RBFOX1: variants seen among roughly 807,000 people sequenced by gnomAD.
RBFOX1 encodes RNA binding fox-1 homolog 1.
In RBFOX1, 8 loss-of-function variants were observed where a neutral mutation model predicts 57.7. That is an observed-to-expected ratio of 0.14 (90% CI 0.08 to 0.25). The LOEUF (loss-of-function observed/expected upper bound fraction) is 0.25, where lower values mean the gene tolerates loss of function less well. RBFOX1 is among the 10% of genes least tolerant of loss of function. The pLI, the probability that RBFOX1 is intolerant of heterozygous loss-of-function variation, is 1.00. For synonymous variants in RBFOX1, 326 were observed against 222.4 expected (o/e 1.47, Z -4.15); for missense variants, 611 against 548.5 (o/e 1.11, Z -1.14).
intron 3 of RBFOX1, among the ~76,000 whole-genome samples, chr16:6,679,904 T>C (rs1299769350): frequency 8.2e-5 from 8 of 97,074 alleles, no homozygotes; most frequent in Admixed American, 5.0e-4. Flanking sequence ...TTTTTTTTTT[T>C]TCATACTTTT....
intron 2 of RBFOX1, among the ~76,000 whole-genome samples, chr16:5,592,035 A>G (rs1209302458): frequency 6.6e-6 from 1 of 152,208 alleles, no homozygotes; most frequent in Non-Finnish European, 1.5e-5. Flanking sequence ...CGTAAAAAAT[A>G]ATATATTGCC....
intron 2 of RBFOX1, among the ~76,000 whole-genome samples, chr16:6,567,387 C>A (rs879614529): frequency 1.3e-5 from 2 of 152,122 alleles, no homozygotes; most frequent in African/African-American, 2.4e-5. Context: ...AGCTCAGGTT[C>A]GTTTGGTCTT....
At chr16:7,528,756 A>G (rs1427206886) in intron 5 of RBFOX1, among the ~76,000 whole-genome samples, 1 of 152,184 alleles carries the variant, frequency 6.6e-6, no homozygotes, top group Non-Finnish European at 1.5e-5. Context: ...ATTCATGGTC[A>G]TATAGTCTTT....
intron 3 of RBFOX1, among the ~76,000 whole-genome samples, chr16:6,767,448 C>A (rs1032321505): frequency 6.6e-6 from 1 of 152,142 alleles, no homozygotes; most frequent in African/African-American, 2.4e-5. Context: ...TATAATTATC[C>A]TGAGGTTTTT....
chr16:7,431,529 C>T (rs1006273079), intron 4 of RBFOX1, among the ~76,000 whole-genome samples: 9 of 152,272 alleles, frequency 5.9e-5, no homozygotes, highest in African/African-American at 1.2e-4. Flanking sequence ...CGTGAGCCAC[C>T]GCGCCACTGT....
chr16:7,648,943 C>T (rs1347816432), intron 11 of RBFOX1, among the ~76,000 whole-genome samples: 2 of 152,062 alleles, frequency 1.3e-5, no homozygotes, highest in African/African-American at 2.4e-5. Context: ...CAGTGAAAAA[C>T]GTACAAGGGT....
chr16:5,432,304 G>A (rs371928541), intron 1 of RBFOX1, among the ~76,000 whole-genome samples: 13 of 146,212 alleles, frequency 8.9e-5, no homozygotes, highest in African/African-American at 3.3e-4. Flanking sequence ...GGCAGGCCTC[G>A]CCGCAAGAAG....
At chr16:5,682,886 A>G (rs537058476) in intron 3 of RBFOX1, among the ~76,000 whole-genome samples, 1 of 152,320 alleles carries the variant, frequency 6.6e-6, no homozygotes, top group East Asian at 1.9e-4. Flanking sequence ...ACTGGCTGCC[A>G]TGAAACAGCT....
At chr16:7,084,012 G>A (rs1159845982) in intron 4 of RBFOX1, among the ~76,000 whole-genome samples, 3 of 152,016 alleles carry the variant, frequency 2.0e-5, no homozygotes, top group African/African-American at 7.3e-5. Flanking sequence ...CCTGTTAAAG[G>A]CCCTAACACT....
intron 1 of RBFOX1, among the ~76,000 whole-genome samples, chr16:6,067,095 C>T (rs2095775216): frequency 6.6e-6 from 1 of 152,088 alleles, no homozygotes; most frequent in Non-Finnish European, 1.5e-5. Context: ...ACTGCCGAGT[C>T]CCTCTCCCTC....
chr16:5,769,674 A>C (rs12597101), intron 3 of RBFOX1, among the ~76,000 whole-genome samples: 2 of 151,580 alleles, frequency 1.3e-5, no homozygotes, highest in Middle Eastern at 3.2e-3. Flanking sequence ...AGAAATTTGG[A>C]CACAAACAAA....
chr16:7,022,039 C>G (rs1257630387), intron 3 of RBFOX1, among the ~76,000 whole-genome samples: 2 of 80,648 alleles, frequency 2.5e-5, no homozygotes, highest in Admixed American at 2.6e-4. Context: ...TTCCCCTCCC[C>G]TTCCCCCTCC....
At chr16:5,888,308 G>C (rs527767219) in intron 4 of RBFOX1, among the ~76,000 whole-genome samples, 66 of 152,248 alleles carry the variant, frequency 4.3e-4, no homozygotes, top group African/African-American at 1.5e-3. Flanking sequence ...CCATCCCAAA[G>C]TGAGCATCTT....
intron 4 of RBFOX1, among the ~76,000 whole-genome samples, chr16:7,457,180 C>T (rs1567267191): frequency 6.6e-6 from 1 of 152,100 alleles, no homozygotes; most frequent in Non-Finnish European, 1.5e-5. Context: ...AGCCACCGCG[C>T]CTGGCCTTGG....
chr16:5,306,276 C>T (rs1418030401), intron 1 of RBFOX1, among the ~76,000 whole-genome samples: 3 of 151,934 alleles, frequency 2.0e-5, no homozygotes, highest in South Asian at 2.1e-4. Context: ...ACAGTCCCTA[C>T]TAATATTCCA....
chr16:6,016,573 A>G (rs898971230), upstream of RBFOX1, among the ~76,000 whole-genome samples: 31 of 152,238 alleles, frequency 2.0e-4, no homozygotes, highest in African/African-American at 7.5e-4. Flanking sequence ...GAGAGCTCTC[A>G]GCCAAGCACA....
At chr16:5,339,470 G>GTTTTTTTTTTTTT (rs560472298) in intron 1 of RBFOX1, among the ~76,000 whole-genome samples, 569 of 40,878 alleles carry the variant, frequency 0.014, 175 homozygotes, top group Middle Eastern at 0.031. Context: ...CTTTTTCCGT[G>GTTTTTTTTTTTTT]TTTTTTTTTT....
chr16:6,134,108 T>C (rs753340522), intron 1 of RBFOX1, among the ~76,000 whole-genome samples: 1 of 152,012 alleles, frequency 6.6e-6, no homozygotes, highest in Non-Finnish European at 1.5e-5. Flanking sequence ...AGCTAAGTTT[T>C]GTATTTTTAG....
At chr16:6,396,277 T>C (rs983810853) in intron 2 of RBFOX1, among the ~76,000 whole-genome samples, 4 of 152,050 alleles carry the variant, frequency 2.6e-5, no homozygotes, top group African/African-American at 9.7e-5. Flanking sequence ...GTACTGTAAC[T>C]TGATAAAATG....
Sources: gnomAD v4.1 joint callset for allele counts (sites outside exome capture counted in the v4.1 genomes callset) on GRCh38, gnomAD v4.1.1 for gene constraint, MANE v1.5 for transcripts, NCBI Gene and HGNC (gene_info 2026-07-23, HGNC 2026-07-21) for gene names.